Variants in ADAM20 observed in about 807,000 individuals in gnomAD.
ADAM20 encodes disintegrin and metalloproteinase domain-containing protein 20.
For synonymous variants in ADAM20, 305 were observed against 310.2 expected (o/e 0.98, Z 0.18); for missense variants, 871 against 883.2 (o/e 0.99, Z 0.18).
chr14:70,545,350 G>C, the ADAM20 span, among the ~76,000 whole-genome samples: 1 of 152,198 alleles, frequency 6.6e-6, no homozygotes, highest in African/African-American at 2.4e-5. Context: ...GAGGGATGGT[G>C]CAGAGATTGT....
At chr14:70,539,945 G>A (rs1042015035), upstream of ADAM20, among the ~76,000 whole-genome samples, 3 of 152,192 alleles carry the variant, frequency 2.0e-5, no homozygotes, top group Non-Finnish European at 2.9e-5. Context: ...ACTATCTTGT[G>A]TGTGTCTATT....
At chr14:70,577,717 T>C in the ADAM20 span, among the ~76,000 whole-genome samples, 1 of 152,176 alleles carries the variant, frequency 6.6e-6, no homozygotes, top group South Asian at 2.1e-4. Context: ...ACCAACGGAA[T>C]ACCATAGAGT....
chr14:70,568,739 G>C, the ADAM20 span, among the ~76,000 whole-genome samples: 1 of 152,076 alleles, frequency 6.6e-6, no homozygotes, highest in Non-Finnish European at 1.5e-5. Flanking sequence ...ACAGCTGGAA[G>C]TTTTAATAAC....
At chr14:70,562,037 T>C in the ADAM20 span, among the ~76,000 whole-genome samples, 1 of 152,242 alleles carries the variant, frequency 6.6e-6, no homozygotes, top group East Asian at 1.9e-4. Flanking sequence ...GAATGGCAGA[T>C]CCATGGACAG....
the ADAM20 span, among the ~76,000 whole-genome samples, chr14:70,561,705 G>T: frequency 6.6e-6 from 1 of 152,244 alleles, no homozygotes; most frequent in Non-Finnish European, 1.5e-5. Flanking sequence ...TCCAGCCATG[G>T]CTAAAAGGGG....
the ADAM20 span, among the ~76,000 whole-genome samples, chr14:70,566,135 T>C: frequency 6.6e-6 from 1 of 152,126 alleles, no homozygotes; most frequent in Non-Finnish European, 1.5e-5. Flanking sequence ...AGTATAAAAC[T>C]CACTGGTTAG....
chr14:70,535,599 C>T (rs1242868170), upstream of ADAM20, among the ~76,000 whole-genome samples: 2 of 152,272 alleles, frequency 1.3e-5, no homozygotes, highest in East Asian at 3.9e-4. Flanking sequence ...GGAACTTATC[C>T]TGAAAACGGA....
At chr14:70,578,657 A>G in the ADAM20 span, among the ~76,000 whole-genome samples, 2 of 152,168 alleles carry the variant, frequency 1.3e-5, no homozygotes, top group African/African-American at 2.4e-5. Context: ...AATAAAACAA[A>G]TAACATTAAA....
chr14:70,532,770 C>A (rs1422687201), intron 1 of ADAM20, among the ~76,000 whole-genome samples: 1 of 152,144 alleles, frequency 6.6e-6, no homozygotes, highest in Non-Finnish European at 1.5e-5. Context: ...TATCTGATAC[C>A]TGATAAGGGT....
chr14:70,524,423 T>A lies in ADAM20; in HGVS notation c.335A>T (p.His112Leu), dbSNP rs374862551. ...QPFIQDDCYY[H>L]GYVEGVPESL... ...CTCAGGGACCCCCTCCACATAACCA[T>A]GGTAGTAGCAGTCATCCTGGATGAA... The change falls in exon 2 of 2, where the codon CAT (histidine) becomes CTT (leucine). Residue 112 changes from histidine (H) to leucine (L), a missense_variant. Transcript: ENST00000256389. 5.0e-6 allele frequency: 8 copies of A among 1,613,818 alleles called. No homozygotes were observed. The Admixed American group carries it at 1.3e-4, about 27-fold the overall frequency.
the ADAM20 span, among the ~76,000 whole-genome samples, chr14:70,546,764 G>A: frequency 1.3e-5 from 2 of 151,792 alleles, no homozygotes; most frequent in African/African-American, 4.8e-5. Flanking sequence ...AAAAGCAACA[G>A]CAAACCAAAC....
upstream of ADAM20, among the ~76,000 whole-genome samples, chr14:70,539,280 C>A (rs73282164): frequency 1.3e-5 from 2 of 152,136 alleles, no homozygotes; most frequent in African/African-American, 4.8e-5. Flanking sequence ...GTCTGCCAGA[C>A]GAGCCAACAA....
intron 1 of ADAM20, among the ~76,000 whole-genome samples, chr14:70,527,020 A>G (rs1267983129): frequency 1.3e-5 from 2 of 152,166 alleles, no homozygotes; most frequent in African/African-American, 4.8e-5. Flanking sequence ...CACTGTAACC[A>G]GAGTTTATAT....
chr14:70,524,785 G>C lies in ADAM20; in HGVS notation c.-28C>G, dbSNP rs765700772. The C allele has an allele frequency of 1.9e-6, 3 of 1,613,780 alleles. No homozygotes were observed. The highest frequency in any genetic ancestry group is 1.7e-6 in the Non-Finnish European group (2 of 1,179,942). On this transcript the variant is annotated 5_prime_UTR_variant, in exon 2 of 2. Transcript: ENST00000256389. ...TGAAGCTGTCATTATGGAGCCATCT[G>C]TCTAGAGCAGAAGAGAACAAGGTGT... is the stretch of plus-strand genomic sequence containing the variant.
At chr14:70,561,603 G>A in the ADAM20 span, among the ~76,000 whole-genome samples, 1 of 152,262 alleles carries the variant, frequency 6.6e-6, no homozygotes, top group Non-Finnish European at 1.5e-5. Context: ...GGAGGCCTAG[G>A]AGAGAAGAAT....
upstream of ADAM20, among the ~76,000 whole-genome samples, chr14:70,539,438 G>C (rs1016778801): frequency 6.6e-6 from 1 of 152,314 alleles, no homozygotes. Flanking sequence ...ATAAATGGAC[G>C]CATGAGGGGC....
At chr14:70,564,660 A>C in the ADAM20 span, among the ~76,000 whole-genome samples, 1 of 152,078 alleles carries the variant, frequency 6.6e-6, no homozygotes, top group Admixed American at 6.5e-5. Context: ...ATAAAAGAGA[A>C]TGTTGATAGA....
At chr14:70,536,091 T>C (rs1883825759), upstream of ADAM20, among the ~76,000 whole-genome samples, 1 of 152,142 alleles carries the variant, frequency 6.6e-6, no homozygotes, top group Non-Finnish European at 1.5e-5. Flanking sequence ...GCAGCACAGT[T>C]ATGAAGTTCA....
chr14:70,553,390 T>C, the ADAM20 span, among the ~76,000 whole-genome samples: 1 of 133,472 alleles, frequency 7.5e-6, no homozygotes, highest in African/African-American at 2.9e-5. Context: ...CTCAAATAGT[T>C]CCAAAAAGTA....
Sources: allele counts gnomAD v4.1 joint callset (sites outside exome capture counted in the v4.1 genomes callset), GRCh38; gene constraint gnomAD v4.1.1; transcripts MANE v1.5; gene names NCBI Gene and HGNC (gene_info 2026-07-23, HGNC 2026-07-21).